The following FAM171B variants were observed in gnomAD, a reference collection of about 807,000 sequenced individuals.
FAM171B encodes protein FAM171B.
FAM171B carries 19 observed loss-of-function variants against 75.6 expected under a neutral mutation model. That is an observed-to-expected ratio of 0.25 (90% CI 0.18 to 0.37). The LOEUF is 0.37. Among genes scored for constraint, FAM171B ranks in the 10% least tolerant of loss-of-function variants. The pLI is 1.00. For missense variants in FAM171B, 848 were observed against 982.4 expected (o/e 0.86, Z 1.83); for synonymous variants, 367 against 361.7 (o/e 1.01, Z -0.17).
intron 1 of FAM171B, among the ~76,000 whole-genome samples, chr2:186,710,538 C>T (rs1689795978): frequency 6.6e-6 from 1 of 152,106 alleles, no homozygotes; most frequent in Admixed American, 6.5e-5. Context: ...TTTTTAGTAT[C>T]TGTTCCTGCT....
intron 3 of FAM171B, 48 bp from the exon 4 acceptor site, chr2:186,747,044 G>T: frequency 3.5e-6 from 5 of 1,429,420 alleles, no homozygotes; most frequent in East Asian, 2.4e-5. Flanking sequence ...ATGCTGCTAT[G>T]CTTAACATGC....
At chr2:186,716,313 C>G (rs1169438231) in intron 1 of FAM171B, among the ~76,000 whole-genome samples, 1 of 152,172 alleles carries the variant, frequency 6.6e-6, no homozygotes, top group Non-Finnish European at 1.5e-5. Flanking sequence ...CTTGCCTGGC[C>G]TCTCTCTCTT....
chr2:186,732,445 T>A (rs375163186), intron 1 of FAM171B, among the ~76,000 whole-genome samples: 1 of 152,348 alleles, frequency 6.6e-6, no homozygotes, highest in South Asian at 2.1e-4. Context: ...TGCAGCCACC[T>A]CAGTTCTTGC....
At chr2:186,694,518 C>A in intron 1 of FAM171B, 107 bp downstream of exon 1, 1 of 1,395,294 alleles carries the variant, frequency 7.2e-7, no homozygotes, top group Non-Finnish European at 9.6e-7. Context: ...TCGTTCGTTC[C>A]TGTCACCATC....
chr2:186,739,482 T>C (rs1032633444), intron 1 of FAM171B, among the ~76,000 whole-genome samples: 1 of 152,116 alleles, frequency 6.6e-6, no homozygotes, highest in Non-Finnish European at 1.5e-5. Context: ...ATTTTAAAAA[T>C]TTTTTACTTT....
intron 6 of FAM171B, among the ~76,000 whole-genome samples, chr2:186,757,537 T>C (rs1303090043): frequency 6.6e-6 from 1 of 152,164 alleles, no homozygotes; most frequent in East Asian, 1.9e-4. Context: ...CAAATATGGT[T>C]AATTTGTTTT....
intron 1 of FAM171B, among the ~76,000 whole-genome samples, chr2:186,705,443 G>A (rs940583394): frequency 2.6e-5 from 4 of 152,056 alleles, no homozygotes; most frequent in African/African-American, 9.7e-5. Flanking sequence ...AGAGGTTCAA[G>A]GGAGCCAATA....
chr2:186,713,304 AG>A (rs781470742), intron 1 of FAM171B, among the ~76,000 whole-genome samples: 4 of 152,360 alleles, frequency 2.6e-5, no homozygotes, highest in South Asian at 4.1e-4. Context: ...CATGGACTTT[AG>A]TGTGATGGCA....
intron 1 of FAM171B, among the ~76,000 whole-genome samples, chr2:186,733,663 G>A (rs1690153881): frequency 6.6e-6 from 1 of 152,180 alleles, no homozygotes; most frequent in African/African-American, 2.4e-5. Context: ...GGTGAGTGGG[G>A]GGTGTGTGAA....
At chr2:186,719,323 C>T (rs1024324533) in intron 1 of FAM171B, among the ~76,000 whole-genome samples, 2 of 152,112 alleles carry the variant, frequency 1.3e-5, no homozygotes, top group Non-Finnish European at 2.9e-5. Flanking sequence ...ACATACTTTG[C>T]GCATTGATAG....
chr2:186,724,880 G>A (rs1690008140), intron 1 of FAM171B, among the ~76,000 whole-genome samples: 1 of 152,196 alleles, frequency 6.6e-6, no homozygotes, highest in Non-Finnish European at 1.5e-5. Context: ...GACATTGAGT[G>A]CAGAGGATGA....
chr2:186,746,636 T>C (rs1690368211), intron 3 of FAM171B, among the ~76,000 whole-genome samples: 2 of 152,234 alleles, frequency 1.3e-5, no homozygotes, highest in Admixed American at 6.5e-5. Flanking sequence ...GTATACCTGC[T>C]CACATTAAAT....
At chr2:186,694,467 C>A in intron 1 of FAM171B, 56 bp downstream of exon 1, 1 of 1,552,192 alleles carries the variant, frequency 6.4e-7, no homozygotes, top group Non-Finnish European at 8.7e-7. Flanking sequence ...TCTCTTAGGG[C>A]CTCGCCGGCT....
At chr2:186,759,294 G>C (rs557378183) in intron 6 of FAM171B, among the ~76,000 whole-genome samples, 8 of 152,050 alleles carry the variant, frequency 5.3e-5, no homozygotes, top group African/African-American at 1.9e-4. Context: ...TTCCTCTAGC[G>C]CTGCTGGGTT....
intron 1 of FAM171B, among the ~76,000 whole-genome samples, chr2:186,716,220 C>T (rs1277857307): frequency 6.6e-6 from 1 of 152,068 alleles, no homozygotes; most frequent in Non-Finnish European, 1.5e-5. Flanking sequence ...CACTGTATTG[C>T]CCAGGCTGGT....
chr2:186,723,564 T>A (rs1689986205), intron 1 of FAM171B, among the ~76,000 whole-genome samples: 1 of 152,190 alleles, frequency 6.6e-6, no homozygotes, highest in Non-Finnish European at 1.5e-5. Flanking sequence ...AACAGATAAA[T>A]GATGAATTTA....
chr2:186,704,383 A>T (rs541831306), intron 1 of FAM171B, among the ~76,000 whole-genome samples: 1 of 152,182 alleles, frequency 6.6e-6, no homozygotes, highest in Non-Finnish European at 1.5e-5. Flanking sequence ...ACTAATATCT[A>T]TGCTTTATAA....
At chr2:186,737,410 G>A (rs990596191) in intron 1 of FAM171B, among the ~76,000 whole-genome samples, 1 of 152,170 alleles carries the variant, frequency 6.6e-6, no homozygotes, top group Non-Finnish European at 1.5e-5. Context: ...AGGCTGGAGT[G>A]CAGTGGTGTG....
In FAM171B at chr2:186,736,567, G is replaced by GTGTGTGTGGGAGA. The variant is rs55683607; in HGVS notation, c.239-3661_239-3660insTGTGTGTGGGAGA. Among the ~76,000 whole-genome samples, 859 of 104,586 alleles carry GTGTGTGTGGGAGA rather than the reference G, an allele frequency of 8.2e-3. 19 individuals are homozygous for GTGTGTGTGGGAGA. Among genetic ancestry groups the GTGTGTGTGGGAGA allele is most frequent in the East Asian group, 0.078 (291 of 3,728 alleles). 68.6% of individuals were successfully genotyped at this position (104,586 alleles called of 152,430 possible). ...GTGTGTGTGTGTGTGTGTGTGTGTG[G>GTGTGTGTGGGAGA]GAGAGAGAGAGAGAGAGAGAGAATG... On this transcript the variant is annotated intron_variant, in intron 1 of 7. Coordinates refer to ENST00000304698, the MANE Select transcript of FAM171B (RefSeq NM_177454.4).
Sources: gnomAD v4.1 joint callset for allele counts (sites outside exome capture counted in the v4.1 genomes callset) on GRCh38, gnomAD v4.1.1 for gene constraint, MANE v1.5 for transcripts, NCBI Gene and HGNC (gene_info 2026-07-23, HGNC 2026-07-21) for gene names.